Variants in XKR4 observed in about 807,000 individuals in gnomAD.
The protein encoded by XKR4 is XK-related protein 4.
Under a neutral mutation model 53.9 loss-of-function variants are expected in XKR4, and 12 were observed. That is an observed-to-expected ratio of 0.22 (90% CI 0.14 to 0.36). The LOEUF (loss-of-function observed/expected upper bound fraction) is 0.36. Ranked by LOEUF, XKR4 falls within the 10% of genes least tolerant of loss-of-function variation. The pLI, the probability that XKR4 is intolerant of heterozygous loss-of-function variation, is 1.00. For missense variants in XKR4, 799 were observed against 859.5 expected, an observed-to-expected ratio of 0.93 and a Z score of 0.88; for synonymous variants, 354 against 362.4, an observed-to-expected ratio of 0.98 and a Z score of 0.26.
chr8:55,116,288 T>C (rs1409774023), intron 1 of XKR4, among the ~76,000 whole-genome samples: 1 of 152,022 alleles, frequency 6.6e-6, no homozygotes, highest in African/African-American at 2.4e-5. Flanking sequence ...CTGAGGAAAA[T>C]TGAACTGGGA....
chr8:55,135,701 T>C (rs1203604819), intron 1 of XKR4: 2 of 455,792 alleles, frequency 4.4e-6, no homozygotes, highest in Admixed American at 4.7e-5. Context: ...TTCCAGTTTA[T>C]GCCCATTACA....
rs751126118 is a variant in XKR4 at position 55,357,722 on chromosome 8, G to A, written c.851G>A (p.Gly284Glu). ...IYLGIRSRQS[G>E]ENDRWRFYWK... is the part of the protein sequence containing the mutation. ...TTAGGTATTCGAAGCCGACAGAGTG[G>A]GGAGAATGACAGATGGAGGTTTTAC... Residue 284 changes from glycine to glutamate, a missense_variant, in exon 2 of 3, where the codon GGG becomes GAG. Coordinates refer to ENST00000327381, the MANE Select transcript of XKR4 (RefSeq NM_052898.2). The A allele has an allele frequency of 6.2e-7, 1 of 1,614,196 alleles. No individual in the cohort carries two copies. The highest frequency in any genetic ancestry group is 1.7e-5 in the Admixed American group (1 of 60,028).
Position 55,307,112 on chromosome 8 carries a change from A to C in XKR4, c.807-50566A>C, listed in dbSNP as rs1421086717. On this transcript the variant is annotated intron_variant, in intron 1 of 2. Transcript: ENST00000327381. The stretch of plus-strand genomic sequence containing the variant: ...AGTTCTTAGATTTGACACCAAAAGC[A>C]TGATTCAGAAAAGGAAAATTGATAA... 1.3e-5 allele frequency among the ~76,000 whole-genome samples: 2 copies of C among 152,198 alleles called. 1 individual carries two copies. Among genetic ancestry groups the C allele is most frequent in the East Asian group, 3.9e-4 (2 of 5,188 alleles).
chr8:55,373,430 G>A (rs1804101158), intron 2 of XKR4, among the ~76,000 whole-genome samples: 1 of 152,148 alleles, frequency 6.6e-6, no homozygotes, highest in Non-Finnish European at 1.5e-5. Context: ...GCCTCCCAAA[G>A]TACTAGGATT....
At chr8:55,350,025 T>TAC (rs752141491) in intron 1 of XKR4, among the ~76,000 whole-genome samples, 19 of 152,058 alleles carry the variant, frequency 1.2e-4, no homozygotes, top group African/African-American at 3.6e-4. Context: ...CACACACACA[T>TAC]ACACACACAC....
chr8:55,318,244 A>G (rs1471433560), intron 1 of XKR4, among the ~76,000 whole-genome samples: 5 of 152,242 alleles, frequency 3.3e-5, no homozygotes, highest in African/African-American at 9.6e-5. Flanking sequence ...TATAAAAATC[A>G]TGACAAATAG....
chr8:55,280,580 C>A (rs568648335), intron 1 of XKR4, among the ~76,000 whole-genome samples: 211 of 152,290 alleles, frequency 1.4e-3, no homozygotes, highest in Admixed American at 3.3e-3. Flanking sequence ...GTTTGCTTGA[C>A]TATTTCTAAT....
intron 1 of XKR4, among the ~76,000 whole-genome samples, chr8:55,145,809 T>C (rs1816766169): frequency 6.6e-6 from 1 of 152,234 alleles, no homozygotes; most frequent in Admixed American, 6.5e-5. Context: ...CTCATAAATT[T>C]TGTGTGCAGT....
chr8:55,213,856 CTTTTTTTTTTTTT>C (rs11433893), intron 1 of XKR4, among the ~76,000 whole-genome samples: 28 of 82,348 alleles, frequency 3.4e-4, no homozygotes, highest in African/African-American at 4.5e-4. Context: ...TTCTTTCTTT[CTTTTTTTTTTTTT>C]TTTTTTTTTT....
intron 1 of XKR4, among the ~76,000 whole-genome samples, chr8:55,217,298 G>T (rs1817816755): frequency 6.7e-6 from 1 of 149,870 alleles, no homozygotes; most frequent in African/African-American, 2.4e-5. Flanking sequence ...TAAATAAATG[G>T]CTGGTAAACA....
intron 1 of XKR4, among the ~76,000 whole-genome samples, chr8:55,289,597 GAAA>G (rs1818957163): frequency 1.5e-5 from 1 of 68,810 alleles, no homozygotes; most frequent in African/African-American, 6.0e-5. Context: ...GAAAGAGAAA[GAAA>G]GAAAGAAAGA....
intron 1 of XKR4, among the ~76,000 whole-genome samples, chr8:55,279,958 G>A (rs1818816634): frequency 6.6e-6 from 1 of 152,166 alleles, no homozygotes; most frequent in Non-Finnish European, 1.5e-5. Flanking sequence ...GGTTGACAAA[G>A]CTTTCTACAT....
At chr8:55,128,775 G>A (rs942270688) in intron 1 of XKR4, among the ~76,000 whole-genome samples, 1 of 152,194 alleles carries the variant, frequency 6.6e-6, no homozygotes, top group East Asian at 1.9e-4. Flanking sequence ...TCTGGAGAAA[G>A]CTTATGGGAG....
intron 2 of XKR4, chr8:55,452,675 G>T: frequency 1.4e-6 from 2 of 1,428,554 alleles, no homozygotes; most frequent in Non-Finnish European, 2.0e-6. Flanking sequence ...CACTCTCTGT[G>T]CAGACCTTGT....
intron 1 of XKR4, among the ~76,000 whole-genome samples, chr8:55,264,176 C>T (rs1818568236): frequency 6.6e-6 from 1 of 152,152 alleles, no homozygotes; most frequent in East Asian, 1.9e-4. Flanking sequence ...GAGGCTCTTC[C>T]CCTGCATGTC....
At chr8:55,344,569 T>C (rs1803607340) in intron 1 of XKR4, among the ~76,000 whole-genome samples, 1 of 152,204 alleles carries the variant, frequency 6.6e-6, no homozygotes, top group African/African-American at 2.4e-5. Context: ...TCTATTTACT[T>C]CAAGCCACTC....
chr8:55,418,988 C>T (rs966764131), intron 2 of XKR4, among the ~76,000 whole-genome samples: 6 of 152,196 alleles, frequency 3.9e-5, no homozygotes, highest in Non-Finnish European at 8.8e-5. Context: ...AATATGAGCT[C>T]CATCAGGACA....
intron 2 of XKR4, among the ~76,000 whole-genome samples, chr8:55,373,670 T>C (rs1033149161): frequency 1.3e-5 from 2 of 152,210 alleles, no homozygotes; most frequent in African/African-American, 4.8e-5. Context: ...ATATATCCTC[T>C]ATGATGTCAA....
At chr8:55,234,065 G>A (rs1048044693) in intron 1 of XKR4, among the ~76,000 whole-genome samples, 5 of 152,144 alleles carry the variant, frequency 3.3e-5, no homozygotes, top group African/African-American at 1.2e-4. Flanking sequence ...ACAGGATTTA[G>A]GAAACTGTGG....
Sources: gnomAD v4.1 joint callset for allele counts (sites outside exome capture counted in the v4.1 genomes callset) on GRCh38, gnomAD v4.1.1 for gene constraint, MANE v1.5 for transcripts, NCBI Gene and HGNC (gene_info 2026-07-23, HGNC 2026-07-21) for gene names.